Variants in STT3B observed in about 807,000 individuals in gnomAD.
STT3B encodes the protein STT3 oligosaccharyltransferase complex catalytic subunit B.
A neutral mutation model predicts 96.8 loss-of-function variants in STT3B; 29 were observed. The ratio of observed to expected loss-of-function variants is 0.30; its 90% confidence interval spans 0.22 to 0.41. The LOEUF is 0.41. STT3B is among the 10% of genes least tolerant of loss of function. The pLI, the probability that STT3B is intolerant of heterozygous loss-of-function variation, is 1.00. For synonymous variants in STT3B, 367 were observed against 360.0 expected, an observed-to-expected ratio of 1.02 and a Z score of -0.22; for missense variants, 640 against 1,022.3, an observed-to-expected ratio of 0.63 and a Z score of 5.10.
Position 31,619,814 on chromosome 3 carries a change from C to T in STT3B, c.1311C>T (p.Asn437=), listed in dbSNP as rs1699386937. ...AGLWFCIKNI[N]DERVFVALYA... ...TTTGGTTCTGCATCAAAAATATCAA[C>T]GATGAAAGAGTATTTGGTAAGAGAG... is the stretch of plus-strand genomic sequence containing the variant. Residue 437 remains asparagine (N), a synonymous_variant, in exon 9 of 16, where the codon AAC becomes AAT. Transcript: ENST00000295770. The T allele has an allele frequency of 3.1e-6, 5 of 1,611,178 alleles. No homozygotes were observed. Among genetic ancestry groups the T allele is most frequent in the African/African-American group, 1.3e-5 (1 of 74,712 alleles).
At chr3:31,581,739 A>G (rs1254120260) in intron 3 of STT3B, among the ~76,000 whole-genome samples, 3 of 152,160 alleles carry the variant, frequency 2.0e-5, no homozygotes, top group Non-Finnish European at 2.9e-5. Flanking sequence ...CCTTCTCTTC[A>G]GTTTTTGGAA....
chr3:31,548,917 A>G (rs1697482295), intron 1 of STT3B, among the ~76,000 whole-genome samples: 1 of 152,332 alleles, frequency 6.6e-6, no homozygotes, highest in East Asian at 1.9e-4. Flanking sequence ...TGCTTACTAC[A>G]TTCTTTGATA....
At chr3:31,602,979 TCTTAA>T (rs1473027022) in intron 5 of STT3B, among the ~76,000 whole-genome samples, 1 of 152,118 alleles carries the variant, frequency 6.6e-6, no homozygotes, top group African/African-American at 2.4e-5. Flanking sequence ...GTTCAATTTC[TCTTAA>T]CTTAATGGTC....
intron 1 of STT3B, among the ~76,000 whole-genome samples, chr3:31,549,188 G>A (rs1238506618): frequency 6.6e-6 from 1 of 152,048 alleles, no homozygotes; most frequent in Admixed American, 6.5e-5. Context: ...TTTCTTCAGT[G>A]TTTTAAATCT....
At chr3:31,563,898 C>T (rs1262244442) in intron 1 of STT3B, among the ~76,000 whole-genome samples, 4 of 152,020 alleles carry the variant, frequency 2.6e-5, no homozygotes, top group Admixed American at 6.6e-5. Flanking sequence ...CTCCACCTCC[C>T]GGGTTCAAGC....
chr3:31,606,809 A>C (rs1699064061), intron 5 of STT3B, among the ~76,000 whole-genome samples: 1 of 152,218 alleles, frequency 6.6e-6, no homozygotes, highest in African/African-American at 2.4e-5. Flanking sequence ...TGGTAGATTC[A>C]CTGACAGCTT....
chr3:31,616,017 C>G (rs1005456602), intron 6 of STT3B, among the ~76,000 whole-genome samples: 1 of 151,786 alleles, frequency 6.6e-6, no homozygotes, highest in Non-Finnish European at 1.5e-5. Context: ...ATTGTTATCT[C>G]TAACAAAAGA....
At chr3:31,635,569 A>G (rs568680106) in intron 15 of STT3B, among the ~76,000 whole-genome samples, 10 of 152,306 alleles carry the variant, frequency 6.6e-5, no homozygotes, top group African/African-American at 2.2e-4. Flanking sequence ...CAGGGACTCT[A>G]AGAGTTACTA....
chr3:31,535,367 A>G (rs1477504175), intron 1 of STT3B, among the ~76,000 whole-genome samples: 2 of 151,370 alleles, frequency 1.3e-5, no homozygotes, highest in African/African-American at 2.4e-5. Flanking sequence ...CTAAGTATTA[A>G]AAGTTTTCTT....
At chr3:31,618,100 C>A in intron 8 of STT3B, 112 bp downstream of exon 8, 2 of 751,816 alleles carry the variant, frequency 2.7e-6, no homozygotes, top group Non-Finnish European at 4.7e-6. Flanking sequence ...TTCTAAGTAC[C>A]AAAGATGCTA....
chr3:31,578,420 G>A (rs1698305026), intron 2 of STT3B, among the ~76,000 whole-genome samples: 2 of 151,140 alleles, frequency 1.3e-5, no homozygotes, highest in South Asian at 2.1e-4. Flanking sequence ...TTGTTGTTGG[G>A]GTTTTATTTG....
chr3:31,555,227 G>A (rs1426700877), intron 1 of STT3B, among the ~76,000 whole-genome samples: 1 of 152,164 alleles, frequency 6.6e-6, no homozygotes, highest in Non-Finnish European at 1.5e-5. Flanking sequence ...CTGTGTGGCT[G>A]CATGCATATC....
chr3:31,621,356 CATT>C (rs1699423896), intron 9 of STT3B, among the ~76,000 whole-genome samples: 1 of 152,106 alleles, frequency 6.6e-6, no homozygotes, highest in South Asian at 2.1e-4. Context: ...TGTTCTATAT[CATT>C]ATGGGTTGTA....
chr3:31,542,323 G>A (rs926113194), intron 1 of STT3B, among the ~76,000 whole-genome samples: 1 of 152,178 alleles, frequency 6.6e-6, no homozygotes, highest in Admixed American at 6.5e-5. Flanking sequence ...GGAGGTCTGA[G>A]CTGAGGAATT....
chr3:31,576,380 T>C lies in STT3B; in HGVS notation c.315-16T>C. On this transcript the variant is annotated splice_polypyrimidine_tract_variant and intron_variant, in intron 1 of 15. Transcript: ENST00000295770. ...TAAGCAGTTTTATAACATTTCTTTT[T>C]ATCTCTTTTCTCTAGGTTTAACTAT... 1 of 1,462,972 alleles carries C rather than the reference T, an allele frequency of 6.8e-7. No individual in the cohort carries two copies. The highest frequency in any genetic ancestry group is 9.4e-7 in the Non-Finnish European group (1 of 1,064,970). The allele number at this position is 1,462,972 out of a possible 1,614,324, so 90.6% of individuals were successfully genotyped here.
intron 5 of STT3B, among the ~76,000 whole-genome samples, chr3:31,606,270 G>C (rs1197159398): frequency 6.6e-6 from 1 of 152,206 alleles, no homozygotes; most frequent in African/African-American, 2.4e-5. Flanking sequence ...AGAAATATGT[G>C]TAAGTAACAA....
chr3:31,584,007 T>C lies in STT3B; in HGVS notation c.711+3911T>C, dbSNP rs145453262. ...AAACTGTTGGCCTAATTGAAGCTCATGAAGACTTACACCTCTGTTTCCTTC... is the reference window on the plus strand; with the variant it reads ...AAACTGTTGGCCTAATTGAAGCTCACGAAGACTTACACCTCTGTTTCCTTC... On this transcript the variant is annotated intron_variant, in intron 3 of 15. Coordinates refer to ENST00000295770, the MANE Select transcript of STT3B (RefSeq NM_178862.3). 2.6e-3 allele frequency among the ~76,000 whole-genome samples: 391 copies of C among 152,318 alleles called. 1 individual carries two copies. Among genetic ancestry groups the C allele is most frequent in the African/African-American group, 8.1e-3 (337 of 41,556 alleles).
intron 1 of STT3B, among the ~76,000 whole-genome samples, chr3:31,548,740 C>G (rs1174664866): frequency 1.3e-5 from 2 of 152,110 alleles, no homozygotes; most frequent in African/African-American, 2.4e-5. Context: ...ACCTTCCCCC[C>G]TTTGAGGGAG....
At chr3:31,550,488 A>C (rs1474728419) in intron 1 of STT3B, among the ~76,000 whole-genome samples, 1 of 152,198 alleles carries the variant, frequency 6.6e-6, no homozygotes. Context: ...TCCAGTTGCA[A>C]CTGTACAGTG....
Sources: allele counts gnomAD v4.1 joint callset (sites outside exome capture counted in the v4.1 genomes callset), GRCh38; gene constraint gnomAD v4.1.1; transcripts MANE v1.5; gene names NCBI Gene and HGNC (gene_info 2026-07-23, HGNC 2026-07-21).